PDZD2: variants seen among roughly 807,000 people sequenced by gnomAD.
PDZD2 encodes the protein PDZ domain containing 2, also known as PDZ domain-containing protein 2.
PDZD2 carries 90 observed loss-of-function variants against 220.7 expected under a neutral mutation model. The observed-to-expected ratio is 0.41, with a 90% CI of 0.34 to 0.49. The LOEUF (loss-of-function observed/expected upper bound fraction) is 0.49. PDZD2 is among the 20% of genes least tolerant of loss of function. PDZD2 has a pLI of 0.28. For synonymous variants in PDZD2, 1,375 were observed against 1,450.5 expected, an observed-to-expected ratio of 0.95 and a Z score of 1.18; for missense variants, 3,174 against 3,608.5, an observed-to-expected ratio of 0.88 and a Z score of 3.08.
At chr5:31,713,146 G>T (rs1748225882) in intron 1 of PDZD2, among the ~76,000 whole-genome samples, 1 of 152,172 alleles carries the variant, frequency 6.6e-6, no homozygotes, top group Non-Finnish European at 1.5e-5. Context: ...CCATACCTGG[G>T]TCTGACCATG....
intron 5 of PDZD2, among the ~76,000 whole-genome samples, chr5:32,002,461 T>C (rs13174304): frequency 0.21 from 32,155 of 151,980 alleles, 3,627 homozygotes; most frequent in Admixed American, 0.27. Flanking sequence ...GGATTCTCTC[T>C]GTCAGCTGGT....
At chr5:31,801,778 C>T (rs1754405341) in intron 2 of PDZD2, among the ~76,000 whole-genome samples, 1 of 152,028 alleles carries the variant, frequency 6.6e-6, no homozygotes, top group African/African-American at 2.4e-5. Context: ...ATAAAGGGCT[C>T]AGCACTATGT....
In PDZD2 at chr5:32,108,161, T is replaced by G; in HGVS notation, c.*26T>G. On this transcript the variant is annotated 3_prime_UTR_variant, in exon 25 of 25. Transcript: ENST00000438447. ...ATTTTAACAAGAATCATTTTCTCAGTTCTCTTCTTTCTTTAGCAAATCAGA... is the reference window on the plus strand; with the variant it reads ...ATTTTAACAAGAATCATTTTCTCAGGTCTCTTCTTTCTTTAGCAAATCAGA... 1 of 1,518,748 alleles carries G rather than the reference T, an allele frequency of 6.6e-7. No homozygotes were observed. Among genetic ancestry groups the G allele is most frequent in the Non-Finnish European group, 9.0e-7 (1 of 1,105,712 alleles). 94.1% of individuals were successfully genotyped at this position (1,518,748 alleles called of 1,614,324 possible).
chr5:31,732,836 C>A lies in PDZD2; in HGVS notation c.-360-66053C>A, dbSNP rs575987907. Among the ~76,000 whole-genome samples, 3 of 152,304 alleles carry A rather than the reference C, an allele frequency of 2.0e-5. No homozygotes were observed. The East Asian group carries it at 5.8e-4, about 29-fold the overall frequency. ...CTCTGCCTCCTAGGTTCAAGCAATT[C>A]TCCTGCCTTAGCCTCCTGAGGAGCT... is the stretch of plus-strand genomic sequence containing the variant. On this transcript the variant is annotated intron_variant, in intron 1 of 24. Transcript: ENST00000438447.
chr5:31,942,338 A>G (rs1746276612), intron 2 of PDZD2, among the ~76,000 whole-genome samples: 2 of 152,008 alleles, frequency 1.3e-5, no homozygotes, highest in African/African-American at 4.8e-5. Flanking sequence ...AAACCTAGAT[A>G]AAGAGAAGCT....
intron 2 of PDZD2, among the ~76,000 whole-genome samples, chr5:31,937,582 T>C (rs1375072418): frequency 6.6e-6 from 1 of 152,232 alleles, no homozygotes; most frequent in Non-Finnish European, 1.5e-5. Context: ...GGGATGGCTG[T>C]GTTTAGTCAA....
intron 6 of PDZD2, among the ~76,000 whole-genome samples, chr5:32,035,832 G>A (rs1156353100): frequency 6.6e-6 from 1 of 152,186 alleles, no homozygotes; most frequent in East Asian, 1.9e-4. Context: ...GAAGATTCCT[G>A]CCAGTTGAGT....
chr5:32,089,775 A>C lies in PDZD2; in HGVS notation c.6327A>C (p.Pro2109=). The C allele has an allele frequency of 6.2e-7, 1 of 1,614,228 alleles. No individual in the cohort carries two copies. Among genetic ancestry groups the C allele is most frequent in the Admixed American group, 1.7e-5 (1 of 60,034 alleles). The part of the protein sequence containing the change: ...AVSETVCGNK[P]AESDRRGGCL... ...CAGAGACTGTATGTGGTAACAAGCC[A>C]GCTGAAAGCGACAGACGGGGAGGGT... is the stretch of plus-strand genomic sequence containing the variant. Residue 2109 remains proline, a synonymous_variant, in exon 20 of 25, where the codon CCA becomes CCC. Transcript: ENST00000438447.
rs75610168 is a variant in PDZD2, at chr5:32,031,152, C to T, written c.1408-6079C>T. Reference sequence around the variant, plus strand: ...AGCTTTCTTCAGGTCCCAGTCACCCCCACTAATTTAGGAATAACGTAGCAT... The same window carrying T: ...AGCTTTCTTCAGGTCCCAGTCACCCTCACTAATTTAGGAATAACGTAGCAT... On this transcript the variant is annotated intron_variant, in intron 6 of 24. Coordinates refer to ENST00000438447, the MANE Select transcript of PDZD2 (RefSeq NM_178140.4). Among the ~76,000 whole-genome samples the T allele has an allele frequency of 5.7e-3, 861 of 152,218 alleles. 14 individuals carry two copies. Among genetic ancestry groups the T allele is most frequent in the African/African-American group, 0.02 (817 of 41,522 alleles).
chr5:31,874,730 C>A (rs2150328059), intron 2 of PDZD2, among the ~76,000 whole-genome samples: 1 of 147,386 alleles, frequency 6.8e-6, no homozygotes, highest in Middle Eastern at 3.5e-3. Flanking sequence ...CACTACACTC[C>A]AGTCTGGGCA....
At chr5:31,684,009 G>A (rs1269507619) in intron 1 of PDZD2, among the ~76,000 whole-genome samples, 1 of 151,948 alleles carries the variant, frequency 6.6e-6, no homozygotes, top group Admixed American at 6.6e-5. Flanking sequence ...GAAGTTATTT[G>A]GGAACTTGAG....
intron 2 of PDZD2, among the ~76,000 whole-genome samples, chr5:31,924,976 C>T (rs1744611662): frequency 6.6e-6 from 1 of 152,164 alleles, no homozygotes; most frequent in Non-Finnish European, 1.5e-5. Context: ...GATTGAGTTT[C>T]CAAAACCAAA....
At chr5:31,866,504 C>T (rs933205432) in intron 2 of PDZD2, among the ~76,000 whole-genome samples, 24 of 152,064 alleles carry the variant, frequency 1.6e-4, no homozygotes, top group Non-Finnish European at 2.5e-4. Context: ...TGGGAGGATT[C>T]GTGCCCTCAC....
At chr5:31,750,318 A>G (rs1750876048) in intron 1 of PDZD2, among the ~76,000 whole-genome samples, 1 of 152,118 alleles carries the variant, frequency 6.6e-6, no homozygotes, top group Non-Finnish European at 1.5e-5. Flanking sequence ...GCTCCCCTGT[A>G]CATCCTCCTT....
At chr5:31,655,449 G>C (rs1474321201) in intron 1 of PDZD2, among the ~76,000 whole-genome samples, 1 of 152,138 alleles carries the variant, frequency 6.6e-6, no homozygotes, top group East Asian at 1.9e-4. Context: ...GGGATTACAG[G>C]CACGAGCCAC....
At chr5:31,726,763 A>G (rs1749169661) in intron 1 of PDZD2, among the ~76,000 whole-genome samples, 1 of 152,144 alleles carries the variant, frequency 6.6e-6, no homozygotes, top group South Asian at 2.1e-4. Flanking sequence ...CTAGAGCACA[A>G]GTTTGGCCCA....
Position 32,077,452 on chromosome 5 carries a change from A to T in PDZD2, c.3538-10A>T, listed in dbSNP as rs770639049. On this transcript the variant is annotated splice_polypyrimidine_tract_variant and intron_variant, in intron 18 of 24. Transcript: ENST00000438447. ...TTATTTCAAGTGGCTTGTGGTTGTCATTGTGCCAGGAATCTCTGGGAAAGC... is the reference window on the plus strand; with the variant it reads ...TTATTTCAAGTGGCTTGTGGTTGTCTTTGTGCCAGGAATCTCTGGGAAAGC... 10 of 1,613,216 alleles carry T rather than the reference A, an allele frequency of 6.2e-6. No homozygotes were observed. In the South Asian group the frequency reaches 1.1e-4, roughly 18 times the overall value.
At position 32,048,873 on chromosome 5, in the gene PDZD2, A is replaced by G. The variant is rs1327939818; in HGVS notation, c.1665+189A>G. Reference sequence around the variant, plus strand: ...TAATACTTGAAAATAGTGGGGGGAAAATCCCTCATTGGATCTCAAAATGTT... The same window carrying G: ...TAATACTTGAAAATAGTGGGGGGAAGATCCCTCATTGGATCTCAAAATGTT... On this transcript the variant is annotated intron_variant, in intron 8 of 24. Transcript: ENST00000438447. Among the ~76,000 whole-genome samples the G allele has an allele frequency of 3.9e-5, 6 of 152,200 alleles. No individual in the cohort carries two copies. The East Asian group carries it at 1.2e-3, about 29-fold the overall frequency.
intron 2 of PDZD2, among the ~76,000 whole-genome samples, chr5:31,971,341 G>C (rs1168946354): frequency 6.6e-6 from 1 of 152,198 alleles, no homozygotes. Flanking sequence ...TGGAAGAGCA[G>C]AAAAGGCCTT....
Sources: allele counts gnomAD v4.1 joint callset (sites outside exome capture counted in the v4.1 genomes callset), GRCh38; gene constraint gnomAD v4.1.1; transcripts MANE v1.5; gene names NCBI Gene and HGNC (gene_info 2026-07-23, HGNC 2026-07-21).